The following DNAJC1 variants were observed in gnomAD, a reference collection of about 807,000 sequenced individuals.
The protein encoded by DNAJC1 is DnaJ heat shock protein family (Hsp40) member C1.
DNAJC1 carries 58 observed loss-of-function variants against 76.6 expected under a neutral mutation model. The observed-to-expected ratio is 0.76, with a 90% confidence interval of 0.61 to 0.94. The LOEUF is 0.94. Ranked by LOEUF, DNAJC1 falls within the 40% of genes least tolerant of loss-of-function variation. The pLI is 0.00. For missense variants in DNAJC1, 689 were observed against 677.3 expected (o/e 1.02, Z -0.19); for synonymous variants, 258 against 267.9 (o/e 0.96, Z 0.36).
At chr10:21,890,017 C>T (rs1836435272) in intron 7 of DNAJC1, among the ~76,000 whole-genome samples, 1 of 152,162 alleles carries the variant, frequency 6.6e-6, no homozygotes, top group Admixed American at 6.5e-5. Context: ...GGATCCTTCT[C>T]CTGCTAATAA....
chr10:21,985,103 T>C (rs1009358004), intron 1 of DNAJC1, among the ~76,000 whole-genome samples: 1 of 152,150 alleles, frequency 6.6e-6, no homozygotes, highest in African/African-American at 2.4e-5. Context: ...AATCCACCCA[T>C]TATAAGAGTA....
intron 9 of DNAJC1, among the ~76,000 whole-genome samples, chr10:21,770,070 C>G (rs992402528): frequency 6.6e-6 from 1 of 151,522 alleles, no homozygotes; most frequent in African/African-American, 2.5e-5. Context: ...CACTTAGGCT[C>G]AAAATCTAAC....
At chr10:21,942,892 G>C (rs1362263042) in intron 1 of DNAJC1, among the ~76,000 whole-genome samples, 1 of 151,094 alleles carries the variant, frequency 6.6e-6, no homozygotes, top group African/African-American at 2.4e-5. Context: ...TAAAAAATGA[G>C]CAATAAGTCT....
intron 1 of DNAJC1, among the ~76,000 whole-genome samples, chr10:21,945,184 T>C (rs1837484631): frequency 6.6e-6 from 1 of 152,236 alleles, no homozygotes; most frequent in Non-Finnish European, 1.5e-5. Flanking sequence ...GCATTGTCAG[T>C]ACTGCTGATG....
chr10:21,816,595 G>A (rs1169374057), intron 8 of DNAJC1, among the ~76,000 whole-genome samples: 1 of 149,052 alleles, frequency 6.7e-6, no homozygotes, highest in Non-Finnish European at 1.5e-5. Flanking sequence ...ACCCAGGCTG[G>A]AGTGCAGTGG....
intron 8 of DNAJC1, among the ~76,000 whole-genome samples, chr10:21,853,262 G>T (rs1007455578): frequency 2.0e-5 from 3 of 152,032 alleles, no homozygotes; most frequent in Non-Finnish European, 4.4e-5. Flanking sequence ...GAAATGTCTT[G>T]GCTTTGTGTC....
intron 6 of DNAJC1, among the ~76,000 whole-genome samples, chr10:21,908,864 T>C (rs1836804237): frequency 6.6e-6 from 1 of 151,974 alleles, no homozygotes; most frequent in Non-Finnish European, 1.5e-5. Flanking sequence ...TAGAAGCAAC[T>C]GTATTAGTAC....
At chr10:21,759,145 A>C in intron 11 of DNAJC1, 25 bp downstream of exon 11, 1 of 1,598,892 alleles carries the variant, frequency 6.3e-7, no homozygotes, top group Non-Finnish European at 8.5e-7. Context: ...ACACCTGTGC[A>C]GAGGCCTCTT....
At chr10:21,955,187 C>A (rs1001529358) in intron 1 of DNAJC1, among the ~76,000 whole-genome samples, 1 of 152,130 alleles carries the variant, frequency 6.6e-6, no homozygotes. Context: ...AAATTTAATC[C>A]GTTATAACAT....
At chr10:21,774,002 G>A (rs568767094) in intron 9 of DNAJC1, among the ~76,000 whole-genome samples, 3 of 149,832 alleles carry the variant, frequency 2.0e-5, no homozygotes, top group South Asian at 2.1e-4. Flanking sequence ...TTAGCCGGGC[G>A]TAGTGGCGGG....
chr10:21,900,839 C>T (rs1836640177), intron 7 of DNAJC1, among the ~76,000 whole-genome samples: 1 of 152,198 alleles, frequency 6.6e-6, no homozygotes, highest in African/African-American at 2.4e-5. Context: ...TATGTTACCA[C>T]AGGCAAAGTG....
intron 6 of DNAJC1, among the ~76,000 whole-genome samples, chr10:21,906,329 A>C (rs1836744871): frequency 6.6e-6 from 1 of 152,050 alleles, no homozygotes; most frequent in South Asian, 2.1e-4. Context: ...TTTTGGGTTA[A>C]GGTTTTATAG....
chr10:21,994,838 T>C (rs1384253527), intron 1 of DNAJC1, among the ~76,000 whole-genome samples: 1 of 151,304 alleles, frequency 6.6e-6, no homozygotes, highest in Non-Finnish European at 1.5e-5. Flanking sequence ...TCCTACTACA[T>C]ATAAAAGATC....
chr10:21,873,704 T>A (rs1343710316), intron 8 of DNAJC1, among the ~76,000 whole-genome samples: 1 of 152,124 alleles, frequency 6.6e-6, no homozygotes, highest in Non-Finnish European at 1.5e-5. Context: ...TAAACATAGG[T>A]AAGTGGAAAA....
chr10:21,781,577 C>T (rs766811882), intron 9 of DNAJC1, among the ~76,000 whole-genome samples: 6 of 151,952 alleles, frequency 3.9e-5, no homozygotes, highest in African/African-American at 7.2e-5. Context: ...AAACATTAGC[C>T]GGGCGTGGTG....
At chr10:21,937,091 G>T (rs983985904) in intron 1 of DNAJC1, among the ~76,000 whole-genome samples, 1 of 152,032 alleles carries the variant, frequency 6.6e-6, no homozygotes, top group Non-Finnish European at 1.5e-5. Context: ...GACATATAAT[G>T]AAAATTTTTT....
chr10:21,871,789 C>A (rs1302461350), intron 8 of DNAJC1, among the ~76,000 whole-genome samples: 2 of 151,784 alleles, frequency 1.3e-5, no homozygotes, highest in Non-Finnish European at 2.9e-5. Context: ...CTGTCCACCA[C>A]CACACCCAGC....
At chr10:21,793,355 A>G (rs932001433) in intron 9 of DNAJC1, among the ~76,000 whole-genome samples, 1 of 152,134 alleles carries the variant, frequency 6.6e-6, no homozygotes, top group Non-Finnish European at 1.5e-5. Flanking sequence ...TACAGCTAAA[A>G]TAATACTTAA....
rs565370759 is a variant in DNAJC1 at position 21,974,621 on chromosome 10, T to C, written c.222+28592A>G. Reference sequence around the variant, plus strand: ...TTTACCCTGACACTTTGTACTGCATTCTATTCTGAAAAGTACAGACTCCAA... The same window carrying C: ...TTTACCCTGACACTTTGTACTGCATCCTATTCTGAAAAGTACAGACTCCAA... On this transcript the variant is annotated intron_variant, in intron 1 of 11. Transcript: ENST00000376980. 1.9e-4 allele frequency among the ~76,000 whole-genome samples: 29 copies of C among 152,330 alleles called. No individual in the cohort carries two copies. In the South Asian group the frequency reaches 3.5e-3, roughly 19 times the overall value.
Sources: gnomAD v4.1 joint callset for allele counts (sites outside exome capture counted in the v4.1 genomes callset) on GRCh38, gnomAD v4.1.1 for gene constraint, MANE v1.5 for transcripts, NCBI Gene and HGNC (gene_info 2026-07-23, HGNC 2026-07-21) for gene names.